The following PRG4 variants were observed in gnomAD, a reference collection of about 807,000 sequenced individuals.
The protein encoded by PRG4 is articular superficial zone protein.
In PRG4, 61 loss-of-function variants were observed where a neutral mutation model predicts 91.2. The observed-to-expected ratio is 0.67, with a 90% CI of 0.54 to 0.83. The LOEUF is 0.83. Among genes scored for constraint, PRG4 ranks in the 40% least tolerant of loss-of-function variants. The pLI, the probability that PRG4 is intolerant of heterozygous loss-of-function variation, is 0.00. For synonymous variants in PRG4, 576 were observed against 614.2 expected, an observed-to-expected ratio of 0.94 and a Z score of 0.92; for missense variants, 1,564 against 1,714.2, an observed-to-expected ratio of 0.91 and a Z score of 1.55.
At position 186,311,956 on chromosome 1, in the gene PRG4, A is replaced by G. The variant is rs889501294; in HGVS notation, c.3794-219A>G. On this transcript the variant is annotated intron_variant, in intron 10 of 12. Coordinates refer to ENST00000445192, the MANE Select transcript of PRG4 (RefSeq NM_005807.6). ...GTCACTTTCAATTGAAATTAAATATATAACTATGTAATTTGCTGCATCTAT... is the reference window on the plus strand; with the variant it reads ...GTCACTTTCAATTGAAATTAAATATGTAACTATGTAATTTGCTGCATCTAT... The G allele has an allele frequency of 4.3e-5, 24 of 558,814 alleles. No individual in the cohort carries two copies. The Admixed American group carries it at 5.3e-4, about 12-fold the overall frequency. The allele number at this position is 558,814 out of a possible 1,614,324, so 34.6% of individuals were successfully genotyped here.
chr1:186,313,407 T>C (rs1571590113), intron 12 of PRG4: 2 of 387,924 alleles, frequency 5.2e-6, no homozygotes, highest in Non-Finnish European at 9.3e-6. Flanking sequence ...AAATTATTTT[T>C]CAAACTTGGT....
rs1015929913 is a variant in PRG4, at chr1:186,308,218, G to T, written c.2499G>T (p.Glu833Asp). Reference protein sequence around the residue: ...PKETAPTTPKEPAPTTPKKPA... With the variant: ...PKETAPTTPKDPAPTTPKKPA... ...AGACTGCTCCAACTACCCCCAAGGA[G>T]CCTGCACCCACTACCCCCAAGAAGC... is the stretch of plus-strand genomic sequence containing the variant. The change falls in exon 7 of 13, where the codon GAG becomes GAT. Residue 833 changes from glutamate to aspartate, a missense_variant. Glu to Asp is a conservative substitution (Grantham distance 45, BLOSUM62 2). Transcript: ENST00000445192. The T allele has an allele frequency of 6.2e-7, 1 of 1,610,866 alleles. No homozygotes were observed. The highest frequency in any genetic ancestry group is 8.5e-7 in the Non-Finnish European group (1 of 1,179,078).
At chr1:186,303,731 GA>G (rs1383483303) in intron 4 of PRG4, among the ~76,000 whole-genome samples, 1 of 151,948 alleles carries the variant, frequency 6.6e-6, no homozygotes, top group Non-Finnish European at 1.5e-5. Context: ...TACTAAAACA[GA>G]AAAAAATTCT....
rs1413459656 is a variant in PRG4 at position 186,306,409 on chromosome 1, C to G, written c.690C>G (p.Asp230Glu). Reference protein sequence around the residue: ...DEAGSGLDNGDFKVTTPDTST... With the variant: ...DEAGSGLDNGEFKVTTPDTST... ...CTGGAAGTGGATTGGACAATGGTGA[C>G]TTCAAGGTCACAACTCCTGACACGT... The change falls in exon 7 of 13, where the codon GAC (aspartate) becomes GAG (glutamate). Residue 230 changes from aspartate to glutamate, a missense_variant. This residue lies in a region of PRG4 where 437 missense variants were observed against 459.0 expected (regional missense o/e 0.95). Coordinates refer to ENST00000445192, the MANE Select transcript of PRG4 (RefSeq NM_005807.6). 2 of 1,613,388 alleles carry G rather than the reference C, an allele frequency of 1.2e-6. No homozygotes were observed. The highest frequency in any genetic ancestry group is 1.7e-6 in the Non-Finnish European group (2 of 1,179,546).
At position 186,313,766 on chromosome 1, in the gene PRG4, C is replaced by G. The variant is rs755358454; in HGVS notation, c.4203C>G (p.Tyr1401Ter). Residue 1401 changes from tyrosine (Y) to a stop codon, truncating the protein, a stop_gained, in exon 13 of 13, where the codon TAC becomes TAG. Coordinates refer to ENST00000445192, the MANE Select transcript of PRG4 (RefSeq NM_005807.6). LOFTEE classifies it high-confidence loss of function. ...GGCAGACCTTATCCAAAGTCTGGTA[C>G]AACTGTCCTTAGACTGATGAGCAAA... ...RSGQTLSKVW[Y>*]NCP 23 of 1,602,708 alleles carry G rather than the reference C, an allele frequency of 1.4e-5. No individual in the cohort carries two copies. Among genetic ancestry groups the G allele is most frequent in the Non-Finnish European group, 1.9e-5 (22 of 1,169,902 alleles).
chr1:186,312,132 AAATT>A (rs769585191), intron 10 of PRG4, 39 bp from the exon 11 acceptor site: 4 of 1,574,620 alleles, frequency 2.5e-6, no homozygotes, highest in Non-Finnish European at 3.5e-6. Context: ...GAGGGTATTA[AAATT>A]AATTTTCATT....
At chr1:186,305,064 C>A in intron 6 of PRG4, 142 bp downstream of exon 6, 1 of 990,186 alleles carries the variant, frequency 1.0e-6, no homozygotes. Context: ...TAGAAAGTAC[C>A]AAATGAATAC....
intron 4 of PRG4, 122 bp from the exon 5 acceptor site, chr1:186,303,986 C>T: frequency 9.9e-7 from 1 of 1,009,624 alleles, no homozygotes; most frequent in Non-Finnish European, 1.6e-6. Flanking sequence ...TGAGCTGGAG[C>T]CTGCCTGCAC....
Position 186,308,009 on chromosome 1 carries a change from G to A in PRG4, c.2290G>A (p.Glu764Lys), listed in dbSNP as rs1286140855. The A allele has an allele frequency of 1.2e-6, 2 of 1,605,652 alleles. No individual in the cohort carries two copies. The highest frequency in any genetic ancestry group is 2.2e-5 in the East Asian group (1 of 44,514). The stretch of plus-strand genomic sequence containing the variant: ...GGGGACTGCTCCAACTACCCCTAAG[G>A]AGCCTGCTCCAACTACCCCTAAGGA... ...PKGTAPTTPK[E>K]PAPTTPKEPA... The change falls in exon 7 of 13, where the codon GAG becomes AAG. Residue 764 changes from glutamate (E) to lysine (K), a missense_variant. Glu to Lys is a moderately conservative substitution (Grantham distance 56). Transcript: ENST00000445192.
chr1:186,310,633 C>G (rs1657131070), intron 8 of PRG4, among the ~76,000 whole-genome samples: 1 of 151,818 alleles, frequency 6.6e-6, no homozygotes. Flanking sequence ...CAGGTGTGCA[C>G]CACCATGCCT....
rs1441924553 is a variant in PRG4 at position 186,300,218 on chromosome 1, G to A, written c.199+5G>A. The A allele has an allele frequency of 6.2e-7, 1 of 1,613,836 alleles. No homozygotes were observed. Among genetic ancestry groups the A allele is most frequent in the Non-Finnish European group, 8.5e-7 (1 of 1,180,054 alleles). ...TCAAGAGAGTCTGCACTGCGGGTAA[G>A]TCCTGAGAGCGGGTGTCTCCTCTGT... is the stretch of plus-strand genomic sequence containing the variant. On this transcript the variant is annotated splice_donor_5th_base_variant and intron_variant, in intron 3 of 12. Coordinates refer to ENST00000445192, the MANE Select transcript of PRG4 (RefSeq NM_005807.6).
chr1:186,304,773 A>G (rs758121376), intron 5 of PRG4, 21 bp from the exon 6 acceptor site: 1 of 1,607,764 alleles, frequency 6.2e-7, no homozygotes, highest in Non-Finnish European at 8.5e-7. Flanking sequence ...GGTGTGATCA[A>G]ACTTTCTATT....
chr1:186,303,617 C>T (rs985357429), intron 4 of PRG4, among the ~76,000 whole-genome samples: 1 of 151,898 alleles, frequency 6.6e-6, no homozygotes, highest in Non-Finnish European at 1.5e-5. Context: ...AAGGTGTGAA[C>T]TTTTCACAAG....
At chr1:186,312,943 A>T in intron 12 of PRG4, 49 bp downstream of exon 12, 1 of 1,567,412 alleles carries the variant, frequency 6.4e-7, no homozygotes, top group Non-Finnish European at 8.8e-7. Flanking sequence ...CATTTGTGAA[A>T]ACATGAAGAT....
At position 186,313,839 on chromosome 1, in the gene PRG4, A is replaced by T. The variant is rs1553226197; in HGVS notation, c.*61A>T. On this transcript the variant is annotated 3_prime_UTR_variant, in exon 13 of 13. Transcript: ENST00000445192. ...ATGAATAATAAATTTTGACACTGAAAAACATTTTATTAATAAAGAATATTG... is the reference window on the plus strand; with the variant it reads ...ATGAATAATAAATTTTGACACTGAATAACATTTTATTAATAAAGAATATTG... 4.0e-6 allele frequency: 6 copies of T among 1,499,860 alleles called. No individual in the cohort carries two copies. The South Asian group carries it at 5.6e-5, about 14-fold the overall frequency. 92.9% of individuals were successfully genotyped at this position (1,499,860 alleles called of 1,614,324 possible). A position where few individuals can be genotyped will look rare whatever the true frequency, so the allele number is the denominator to read the frequency against.
At chr1:186,311,803 G>A in intron 10 of PRG4, 1 of 624,840 alleles carries the variant, frequency 1.6e-6, no homozygotes, top group East Asian at 2.8e-5. Context: ...ATTCATTTGA[G>A]TTTTCAGGTC....
chr1:186,314,269 A>G lies in PRG4; in HGVS notation c.*491A>G. 2 of 460,716 alleles carry G rather than the reference A, an allele frequency of 4.3e-6. No homozygotes were observed. Among genetic ancestry groups the G allele is most frequent in the Admixed American group, 3.9e-5 (1 of 25,592 alleles). 28.5% of individuals were successfully genotyped at this position (460,716 alleles called of 1,614,324 possible). A position where few individuals can be genotyped will look rare whatever the true frequency, so the allele number is the denominator to read the frequency against. On this transcript the variant is annotated 3_prime_UTR_variant, in exon 13 of 13. Transcript: ENST00000445192. The stretch of plus-strand genomic sequence containing the variant: ...AAAATTTTACACTTTTACTAGCTAA[A>G]ACATAATCACAAAGCTTTATCGTGT...
In PRG4 at chr1:186,306,912, C is replaced by T. The variant is rs1656633198; in HGVS notation, c.1193C>T (p.Pro398Leu). The T allele has an allele frequency of 1.2e-6, 2 of 1,602,082 alleles. No individual in the cohort carries two copies. Among genetic ancestry groups the T allele is most frequent in the Non-Finnish European group, 1.7e-6 (2 of 1,175,988 alleles). The change falls in exon 7 of 13, where the codon CCC (proline) becomes CTC (leucine). Residue 398 changes from proline to leucine, a missense_variant. By Grantham distance (98) the Pro-to-Leu change is moderately conservative. This residue lies in a region of PRG4 where 48 missense variants were observed against 93.0 expected (regional missense o/e 0.52). Transcript: ENST00000445192. ...CCCACCACTCCCAAGGAGCCTGCAC[C>T]CACCACCACCAAGGAGCCTGCACCC... is the stretch of plus-strand genomic sequence containing the variant. ...SAPTTPKEPA[P>L]TTTKEPAPTT...
rs1656644186 is a variant in PRG4, at chr1:186,306,966, C to A, written c.1247C>A (p.Thr416Asn). 5 of 1,606,136 alleles carry A rather than the reference C, an allele frequency of 3.1e-6. No individual in the cohort carries two copies. Among genetic ancestry groups the A allele is most frequent in the Non-Finnish European group, 4.2e-6 (5 of 1,177,196 alleles). ...ACTCCCAAGGAGCCTGCACCCACCA[C>A]CACCAAGGAGCCTGCACCCACCACC... ...PTTPKEPAPT[T>N]TKEPAPTTTK... Residue 416 changes from threonine to asparagine, a missense_variant, in exon 7 of 13, where the codon ACC (threonine) becomes AAC (asparagine). This residue lies in a region of PRG4 where 48 missense variants were observed against 93.0 expected (regional missense o/e 0.52). Coordinates refer to ENST00000445192, the MANE Select transcript of PRG4 (RefSeq NM_005807.6).
Sources: allele counts gnomAD v4.1 joint callset (sites outside exome capture counted in the v4.1 genomes callset), GRCh38; gene constraint gnomAD v4.1.1; regional missense constraint gnomAD v4.1.1; transcripts MANE v1.5; gene names NCBI Gene and HGNC (gene_info 2026-07-23, HGNC 2026-07-21).